The following CFAP52 variants were observed in gnomAD, a reference collection of about 807,000 sequenced individuals.
CFAP52 encodes cilia- and flagella-associated protein 52.
A neutral mutation model predicts 70.5 loss-of-function variants in CFAP52; 57 were observed. The ratio of observed to expected loss-of-function variants is 0.81; its 90% CI spans 0.65 to 1.01. The LOEUF (loss-of-function observed/expected upper bound fraction) is 1.01. Ranked by LOEUF, CFAP52 falls within the 50% of genes least tolerant of loss-of-function variation. The pLI, the probability that CFAP52 is intolerant of heterozygous loss-of-function variation, is 0.00. For synonymous variants in CFAP52, 267 were observed against 292.5 expected, an observed-to-expected ratio of 0.91 and a Z score of 0.89; for missense variants, 785 against 788.5, an observed-to-expected ratio of 1.00 and a Z score of 0.05.
intron 9 of CFAP52, among the ~76,000 whole-genome samples, chr17:9,629,483 CTTTCTTTCTTTCT>C (rs1014622025): frequency 1.6e-4 from 21 of 133,066 alleles, no homozygotes; most frequent in African/African-American, 6.7e-4. Flanking sequence ...CCCTTTCTTT[CTTTCTTTCTTTCT>C]TTTCTTTTCT....
chr17:9,577,679 C>T (rs1166641130), intron 1 of CFAP52, among the ~76,000 whole-genome samples: 1 of 152,206 alleles, frequency 6.6e-6, no homozygotes, highest in African/African-American at 2.4e-5. Flanking sequence ...GTGCTTTATA[C>T]ATTTCGGATA....
chr17:9,637,452 T>C (rs1410326191), intron 11 of CFAP52, among the ~76,000 whole-genome samples: 1 of 152,166 alleles, frequency 6.6e-6, no homozygotes, highest in Non-Finnish European at 1.5e-5. Context: ...GTGCAGAAGG[T>C]GCATTTTTTA....
chr17:9,578,929 T>C (rs1908092145), intron 1 of CFAP52, among the ~76,000 whole-genome samples: 1 of 152,172 alleles, frequency 6.6e-6, no homozygotes, highest in African/African-American at 2.4e-5. Context: ...TTATGATCTC[T>C]ATTTTAACAT....
Position 9,628,824 on chromosome 17 carries a change from A to G in CFAP52, c.1174+4A>G. 6.2e-7 allele frequency: 1 copy of G among 1,613,940 alleles called. No homozygotes were observed. Among genetic ancestry groups the G allele is most frequent in the Non-Finnish European group, 8.5e-7 (1 of 1,179,928 alleles). The stretch of plus-strand genomic sequence containing the variant: ...GACGGCAAAAGCATCATTTCAGGTA[A>G]CGTCCACATGTCAAGATCTGGCTTG... On this transcript the variant is annotated splice_donor_region_variant and intron_variant, in intron 9 of 13. Transcript: ENST00000352665.
At chr17:9,641,662 G>T in intron 12 of CFAP52, 62 bp from the exon 13 acceptor site, 4 of 1,201,574 alleles carry the variant, frequency 3.3e-6, no homozygotes, top group Non-Finnish European at 4.9e-6. Flanking sequence ...TCTTTTGTTA[G>T]CATGTGCATG....
rs530789027 is a variant in CFAP52 at position 9,603,240 on chromosome 17, G to A, written c.753+3057G>A. Among the ~76,000 whole-genome samples the A allele has an allele frequency of 2.4e-4, 37 of 152,152 alleles. 2 individuals are homozygous for A. The South Asian group carries it at 5.4e-3, about 22-fold the overall frequency. ...TTATTATTTTTTGATACAGAGTCTCGCTCTGTCGCCCAGGCTGGAGTGCAG... is the reference window on the plus strand; with the variant it reads ...TTATTATTTTTTGATACAGAGTCTCACTCTGTCGCCCAGGCTGGAGTGCAG... On this transcript the variant is annotated intron_variant, in intron 6 of 13. Coordinates refer to ENST00000352665, the MANE Select transcript of CFAP52 (RefSeq NM_145054.5).
chr17:9,585,142 C>T (rs888103767), intron 1 of CFAP52, among the ~76,000 whole-genome samples: 5 of 152,230 alleles, frequency 3.3e-5, no homozygotes, highest in South Asian at 2.1e-4. Flanking sequence ...TTTAGGATTA[C>T]GAGAATTGGC....
chr17:9,622,552 A>AGAAGAAGAAG (rs1555543658), intron 8 of CFAP52, among the ~76,000 whole-genome samples: 2 of 151,376 alleles, frequency 1.3e-5, no homozygotes, highest in African/African-American at 4.9e-5. Flanking sequence ...ATTAAAAAAA[A>AGAAGAAGAAG]AAGAAGAAGA....
intron 8 of CFAP52, among the ~76,000 whole-genome samples, chr17:9,616,021 C>G (rs973264816): frequency 6.6e-6 from 1 of 151,216 alleles, no homozygotes. Context: ...AGGAACAGCT[C>G]CGGTCTACAG....
At chr17:9,603,603 A>G (rs1017754390) in intron 6 of CFAP52, among the ~76,000 whole-genome samples, 1 of 152,222 alleles carries the variant, frequency 6.6e-6, no homozygotes, top group African/African-American at 2.4e-5. Flanking sequence ...TGCAATCCCA[A>G]TAAACATCCC....
downstream of CFAP52, among the ~76,000 whole-genome samples, chr17:9,644,356 C>G (rs1408841804): frequency 6.6e-6 from 1 of 152,164 alleles, no homozygotes; most frequent in Non-Finnish European, 1.5e-5. Flanking sequence ...CCGCCCGTCT[C>G]GGCCTCCCAA....
intron 1 of CFAP52, among the ~76,000 whole-genome samples, chr17:9,580,524 T>C (rs972769007): frequency 2.0e-5 from 3 of 151,876 alleles, no homozygotes; most frequent in Admixed American, 6.6e-5. Context: ...CCTATCTCTA[T>C]AAAAAATACC....
intron 4 of CFAP52, among the ~76,000 whole-genome samples, chr17:9,596,194 G>A (rs1909014773): frequency 6.7e-6 from 1 of 149,998 alleles, no homozygotes; most frequent in Non-Finnish European, 1.5e-5. Context: ...CTGCCTCCCG[G>A]GTTCAAATGA....
At chr17:9,596,226 A>G (rs1408120073) in intron 4 of CFAP52, among the ~76,000 whole-genome samples, 4 of 151,012 alleles carry the variant, frequency 2.6e-5, no homozygotes, top group African/African-American at 9.7e-5. Context: ...CAGCCTCCCA[A>G]GTAGCTGGGA....
intron 1 of CFAP52, among the ~76,000 whole-genome samples, chr17:9,580,707 C>A (rs1424716302): frequency 6.8e-6 from 1 of 147,368 alleles, no homozygotes; most frequent in African/African-American, 2.5e-5. Flanking sequence ...AAAAAAAATG[C>A]TGTTAAAGCA....
At chr17:9,614,803 T>G (rs1294946982) in intron 8 of CFAP52, among the ~76,000 whole-genome samples, 2 of 152,146 alleles carry the variant, frequency 1.3e-5, no homozygotes, top group African/African-American at 4.8e-5. Flanking sequence ...TCCCTGCAAT[T>G]ATGACGACCA....
chr17:9,611,412 G>C (rs1909708218), intron 7 of CFAP52, among the ~76,000 whole-genome samples: 1 of 151,894 alleles, frequency 6.6e-6, no homozygotes, highest in African/African-American at 2.4e-5. Flanking sequence ...TGGAGGGCAG[G>C]GATGAGATTG....
intron 1 of CFAP52, among the ~76,000 whole-genome samples, chr17:9,579,562 T>G (rs1908118748): frequency 6.6e-6 from 1 of 152,222 alleles, no homozygotes. Flanking sequence ...TAGTGTTACA[T>G]TATTCAACTT....
chr17:9,579,590 T>A (rs1395924849), intron 1 of CFAP52, among the ~76,000 whole-genome samples: 1 of 152,178 alleles, frequency 6.6e-6, no homozygotes, highest in East Asian at 1.9e-4. Flanking sequence ...GTTTTTGAGA[T>A]GGAGTCTCAC....
Sources: allele counts gnomAD v4.1 joint callset (sites outside exome capture counted in the v4.1 genomes callset), GRCh38; gene constraint gnomAD v4.1.1; transcripts MANE v1.5; gene names NCBI Gene and HGNC (gene_info 2026-07-23, HGNC 2026-07-21).